The following KLF8 variants were observed in gnomAD, a reference collection of about 807,000 sequenced individuals.
The protein encoded by KLF8 is KLF transcription factor 8, also known as Krueppel-like factor 8.
Under a neutral mutation model 18.2 loss-of-function variants are expected in KLF8, and 10 were observed. That is an observed-to-expected ratio of 0.55 (90% CI 0.34 to 0.93). The LOEUF (loss-of-function observed/expected upper bound fraction) is 0.93. KLF8 is among the 40% of genes least tolerant of loss of function. The pLI is 0.02. For missense variants in KLF8, 264 were observed against 277.9 expected (o/e 0.95, Z 0.36); for synonymous variants, 109 against 97.3 (o/e 1.12, Z -0.71).
chrX:56,093,538 A>G, the KLF8 span, among the ~76,000 whole-genome samples: 2 of 111,184 alleles, frequency 1.8e-5, no homozygotes, highest in Middle Eastern at 4.6e-3. Context: ...GACCTGCCTT[A>G]CAACAAATGT....
At chrX:56,053,356 T>C in the KLF8 span, among the ~76,000 whole-genome samples, 1 of 112,021 alleles carries the variant, frequency 8.9e-6, no homozygotes, top group Non-Finnish European at 1.9e-5. Flanking sequence ...ATTCTATGAA[T>C]AAAATGTACT....
the KLF8 span, among the ~76,000 whole-genome samples, chrX:56,099,149 A>G: frequency 8.9e-6 from 1 of 111,805 alleles, no homozygotes; most frequent in Non-Finnish European, 1.9e-5. Flanking sequence ...TTTCAACATC[A>G]TGTGCTCATT....
At chrX:56,282,063 A>G (rs1271860666) in intron 5 of KLF8, among the ~76,000 whole-genome samples, 1 of 112,713 alleles carries the variant, frequency 8.9e-6, no homozygotes, top group Admixed American at 9.4e-5. Context: ...TCACAACAAA[A>G]TGTATAGATA....
chrX:56,153,506 T>C, the KLF8 span, among the ~76,000 whole-genome samples: 2 of 111,658 alleles, frequency 1.8e-5, no homozygotes, highest in South Asian at 3.8e-4. Flanking sequence ...AAATATGGCT[T>C]TAAAAAGATA....
chrX:56,250,694 A>G (rs1420710910), intron 2 of KLF8, among the ~76,000 whole-genome samples: 1 of 111,411 alleles, frequency 9.0e-6, no homozygotes, highest in Non-Finnish European at 1.9e-5. Context: ...AACCAACAGG[A>G]TATGTGTGTA....
the KLF8 span, among the ~76,000 whole-genome samples, chrX:55,987,916 C>T: frequency 6.3e-5 from 7 of 111,999 alleles, no homozygotes; most frequent in Admixed American, 4.7e-4. Context: ...GATGGTATCC[C>T]ATTGTGGTTT....
Position 56,264,411 on chromosome X carries a change from G to GT in KLF8, c.82-763dup, listed in dbSNP as rs1166259425. Among the ~76,000 whole-genome samples, 15 of 107,349 alleles carry GT rather than the reference G, an allele frequency of 1.4e-4. No homozygotes were observed. The East Asian group carries it at 3.2e-3, about 23-fold the overall frequency. The allele number at this position is 107,349 out of a possible 115,157, so 93.2% of individuals were successfully genotyped here. A position where few individuals can be genotyped will look rare whatever the true frequency, so the allele number is the denominator to read the frequency against. On this transcript the variant is annotated intron_variant, in intron 2 of 5. Coordinates refer to ENST00000468660, the MANE Select transcript of KLF8 (RefSeq NM_007250.5). ...TTTAAACTAATAAATGTATTTATTG[G>GT]TTTTTTAAACTAATAAATTGGTTTT...
the KLF8 span, among the ~76,000 whole-genome samples, chrX:56,051,824 A>C: frequency 0.044 from 4,738 of 106,877 alleles, 119 homozygotes; most frequent in Non-Finnish European, 0.067. Context: ...CTGCCTTGCT[A>C]TATTGGGGAA....
chrX:56,097,679 C>A, the KLF8 span, among the ~76,000 whole-genome samples: 329 of 71,595 alleles, frequency 4.6e-3, no homozygotes, highest in African/African-American at 0.015. Flanking sequence ...CCCCCCACCC[C>A]ACAACAGTCC....
At chrX:56,148,329 A>G in the KLF8 span, among the ~76,000 whole-genome samples, 80 of 111,548 alleles carry the variant, frequency 7.2e-4, no homozygotes, top group African/African-American at 2.6e-3. Flanking sequence ...CTACTCATAA[A>G]AATTACAGAA....
chrX:55,972,776 A>C, the KLF8 span, among the ~76,000 whole-genome samples: 2 of 112,143 alleles, frequency 1.8e-5, no homozygotes, highest in African/African-American at 6.5e-5. Context: ...ATATTGTTAA[A>C]ATAACCATAC....
chrX:56,131,394 T>C, the KLF8 span, among the ~76,000 whole-genome samples: 7 of 111,557 alleles, frequency 6.3e-5, no homozygotes, highest in Non-Finnish European at 1.1e-4. Context: ...AAAATAAGCT[T>C]CATAAATGAA....
At chrX:56,011,299 C>G in the KLF8 span, among the ~76,000 whole-genome samples, 2 of 112,203 alleles carry the variant, frequency 1.8e-5, no homozygotes, top group African/African-American at 3.2e-5. Flanking sequence ...ATCAAATTAG[C>G]ACTCAAGATT....
At chrX:56,260,557 A>T (rs2066869425) in intron 2 of KLF8, among the ~76,000 whole-genome samples, 1 of 111,597 alleles carries the variant, frequency 9.0e-6, no homozygotes. Flanking sequence ...ATTTTGCCTG[A>T]TTGTGGCTAC....
the KLF8 span, among the ~76,000 whole-genome samples, chrX:56,136,765 A>C: frequency 2.3e-4 from 25 of 110,984 alleles, no homozygotes; most frequent in African/African-American, 7.8e-4. Context: ...GGATCTAATT[A>C]AACTAAAGAG....
At chrX:56,013,596 A>G in the KLF8 span, among the ~76,000 whole-genome samples, 1 of 111,513 alleles carries the variant, frequency 9.0e-6, no homozygotes, top group African/African-American at 3.3e-5. Context: ...GGGAGGGACC[A>G]GGTGGAGATA....
the KLF8 span, among the ~76,000 whole-genome samples, chrX:56,031,579 G>A: frequency 2.7e-5 from 3 of 111,698 alleles, no homozygotes; most frequent in African/African-American, 9.8e-5. Context: ...TTGCCTACCC[G>A]GGAGCGCTCT....
chrX:56,012,255 G>A, the KLF8 span, among the ~76,000 whole-genome samples: 1 of 111,667 alleles, frequency 9.0e-6, no homozygotes, highest in African/African-American at 3.3e-5. Context: ...ACATCAAAAA[G>A]CCTACCCACC....
At chrX:55,983,757 T>C in the KLF8 span, among the ~76,000 whole-genome samples, 9 of 110,996 alleles carry the variant, frequency 8.1e-5, no homozygotes, top group Non-Finnish European at 1.7e-4. Flanking sequence ...ACAGGTGACA[T>C]TTTATCCCTA....
Sources: allele counts gnomAD v4.1 joint callset (sites outside exome capture counted in the v4.1 genomes callset), GRCh38; gene constraint gnomAD v4.1.1; transcripts MANE v1.5; gene names NCBI Gene and HGNC (gene_info 2026-07-23, HGNC 2026-07-21).